Variants in PPM1D observed in about 807,000 individuals in gnomAD.
PPM1D encodes the protein protein phosphatase 1D.
Under a neutral mutation model 58.3 loss-of-function variants are expected in PPM1D, and 52 were observed. That is an observed-to-expected ratio of 0.89 (90% CI 0.71 to 1.12). The LOEUF is 1.12. Ranked by LOEUF, PPM1D falls within the 50% of genes most tolerant of loss-of-function variation. The pLI is 0.00. For synonymous variants in PPM1D, 278 were observed against 285.1 expected (o/e 0.98, Z 0.25); for missense variants, 564 against 777.2 (o/e 0.73, Z 3.26).
intron 3 of PPM1D, among the ~76,000 whole-genome samples, chr17:60,643,667 A>C (rs1244707291): frequency 6.6e-6 from 1 of 152,110 alleles, no homozygotes; most frequent in Non-Finnish European, 1.5e-5. Context: ...TAGCACTTTA[A>C]CCAAATGATG....
At chr17:60,641,485 T>C (rs1428421020) in intron 3 of PPM1D, among the ~76,000 whole-genome samples, 3 of 152,248 alleles carry the variant, frequency 2.0e-5, no homozygotes, top group Non-Finnish European at 2.9e-5. Context: ...ATTCTAGATA[T>C]TAGATCTTTG....
intron 3 of PPM1D, among the ~76,000 whole-genome samples, chr17:60,641,670 C>T (rs957939001): frequency 2.0e-5 from 3 of 152,186 alleles, no homozygotes; most frequent in Non-Finnish European, 4.4e-5. Flanking sequence ...GGCTGATGTC[C>T]ATCCACGATT....
chr17:60,614,915 G>A (rs553685901), intron 1 of PPM1D, among the ~76,000 whole-genome samples: 31 of 152,210 alleles, frequency 2.0e-4, no homozygotes, highest in African/African-American at 7.0e-4. Context: ...TGTAACACTC[G>A]TGGCAAGGGT....
chr17:60,612,674 T>C (rs920002067), intron 1 of PPM1D, among the ~76,000 whole-genome samples: 4 of 152,120 alleles, frequency 2.6e-5, no homozygotes, highest in Admixed American at 1.3e-4. Flanking sequence ...GAAACCCGGA[T>C]ACTTTTAGGA....
rs184448980 is a variant in PPM1D at position 60,632,237 on chromosome 17, A to G, written c.702-1616A>G. On this transcript the variant is annotated intron_variant, in intron 2 of 5. Coordinates refer to ENST00000305921, the MANE Select transcript of PPM1D (RefSeq NM_003620.4). ...CTAATCATATTTCCAAGTTTTAGGC[A>G]TTTCTTTTGCTCCTATGACACATTT... Among the ~76,000 whole-genome samples the G allele has an allele frequency of 7.4e-4, 112 of 151,794 alleles. 1 individual carries two copies. The highest frequency in any genetic ancestry group is 2.6e-3 in the African/African-American group (107 of 41,382).
chr17:60,647,794 A>C, intron 3 of PPM1D, 98 bp from the exon 4 acceptor site: 1 of 1,194,366 alleles, frequency 8.4e-7, no homozygotes, highest in Non-Finnish European at 1.2e-6. Context: ...TTCTGCGTCT[A>C]TTGAGATGAA....
intron 4 of PPM1D, among the ~76,000 whole-genome samples, chr17:60,655,248 G>A (rs2031415376): frequency 6.6e-6 from 1 of 152,052 alleles, no homozygotes; most frequent in Non-Finnish European, 1.5e-5. Context: ...AATCTCTTAT[G>A]TTAGAAGGAA....
intron 3 of PPM1D, among the ~76,000 whole-genome samples, chr17:60,642,842 G>A (rs984467841): frequency 2.6e-5 from 4 of 151,938 alleles, no homozygotes; most frequent in African/African-American, 4.8e-5. Context: ...CGAGGTGGGC[G>A]GATCACGAGG....
At chr17:60,614,053 C>T (rs967307158) in intron 1 of PPM1D, among the ~76,000 whole-genome samples, 1 of 85,772 alleles carries the variant, frequency 1.2e-5, no homozygotes, top group Admixed American at 1.4e-4. Flanking sequence ...CAGGCAGCTC[C>T]ACCTGCGGCC....
intron 2 of PPM1D, among the ~76,000 whole-genome samples, chr17:60,626,441 C>G (rs2030810360): frequency 1.3e-5 from 2 of 150,796 alleles, no homozygotes; most frequent in Non-Finnish European, 1.5e-5. Flanking sequence ...TTCGCCCAGG[C>G]TGGAGTGCAG....
intron 5 of PPM1D, among the ~76,000 whole-genome samples, chr17:60,657,820 A>G (rs1337641181): frequency 1.3e-5 from 2 of 151,842 alleles, no homozygotes; most frequent in Non-Finnish European, 2.9e-5. Context: ...GCTCACTGCA[A>G]CCTCTACCTC....
chr17:60,611,420 GT>G (rs922597189), intron 1 of PPM1D, among the ~76,000 whole-genome samples: 2 of 151,190 alleles, frequency 1.3e-5, no homozygotes, highest in Non-Finnish European at 3.0e-5. Context: ...ATTTTGTGGG[GT>G]TTTTTTGTTT....
intron 3 of PPM1D, among the ~76,000 whole-genome samples, chr17:60,634,398 C>CT (rs1461142158): frequency 1.3e-5 from 2 of 151,986 alleles, no homozygotes; most frequent in Non-Finnish European, 2.9e-5. Context: ...GAGCAAGACT[C>CT]TAAAAAAAAG....
At position 60,626,990 on chromosome 17, in the gene PPM1D, A is replaced by G. The variant is rs544204987; in HGVS notation, c.701+3241A>G. Among the ~76,000 whole-genome samples the G allele has an allele frequency of 9.8e-4, 149 of 152,134 alleles. 2 individuals carry two copies. Among genetic ancestry groups the G allele is most frequent in the African/African-American group, 3.4e-3 (142 of 41,500 alleles). ...TTGTTGTTAGCCATTTTTTTCCCAC[A>G]TTAATGTGTAGGGGCTAGCTGTACA... On this transcript the variant is annotated intron_variant, in intron 2 of 5. Coordinates refer to ENST00000305921, the MANE Select transcript of PPM1D (RefSeq NM_003620.4).
chr17:60,661,637 C>T (rs928619658), intron 5 of PPM1D, among the ~76,000 whole-genome samples: 4 of 152,088 alleles, frequency 2.6e-5, no homozygotes, highest in African/African-American at 9.7e-5. Flanking sequence ...GGATAATTCT[C>T]ATTTGTTTTC....
chr17:60,635,906 G>A (rs1157746532), intron 3 of PPM1D, among the ~76,000 whole-genome samples: 5 of 152,090 alleles, frequency 3.3e-5, no homozygotes, highest in African/African-American at 9.7e-5. Flanking sequence ...CAGTTCCTCC[G>A]GCTCAGGAAC....
chr17:60,621,687 C>T (rs2030706546), intron 1 of PPM1D, among the ~76,000 whole-genome samples: 1 of 150,444 alleles, frequency 6.6e-6, no homozygotes, highest in South Asian at 2.1e-4. Flanking sequence ...CATTCTCTTG[C>T]CTCAGCCTCC....
intron 1 of PPM1D, among the ~76,000 whole-genome samples, chr17:60,613,967 G>A (rs905162512): frequency 6.4e-5 from 2 of 31,112 alleles, no homozygotes; most frequent in Middle Eastern, 0.11. Flanking sequence ...CACGGTGCCC[G>A]GTCCCGTCGA....
rs539492866 is a variant in PPM1D, at chr17:60,621,757, T to G, written c.473-1764T>G. Reference sequence around the variant, plus strand: ...CCCAGCTAATTTTTTGTATTTTTAGTAGAAACGGGGTTTCACCATAGTCAG... The same window carrying G: ...CCCAGCTAATTTTTTGTATTTTTAGGAGAAACGGGGTTTCACCATAGTCAG... On this transcript the variant is annotated intron_variant, in intron 1 of 5. Transcript: ENST00000305921. 9.6e-4 allele frequency among the ~76,000 whole-genome samples: 143 copies of G among 149,570 alleles called. 2 individuals carry two copies. Among genetic ancestry groups the G allele is most frequent in the African/African-American group, 3.4e-3 (138 of 41,024 alleles).
Sources: allele counts gnomAD v4.1 joint callset (sites outside exome capture counted in the v4.1 genomes callset), GRCh38; gene constraint gnomAD v4.1.1; transcripts MANE v1.5; gene names NCBI Gene and HGNC (gene_info 2026-07-23, HGNC 2026-07-21).